RFC3: variants seen among roughly 807,000 people sequenced by gnomAD.
RFC3 encodes the protein A1 38 kDa subunit.
Under a neutral mutation model 45.1 loss-of-function variants are expected in RFC3, and 41 were observed. The ratio of observed to expected loss-of-function variants is 0.91; its 90% CI spans 0.71 to 1.18. RFC3 has a LOEUF of 1.18. RFC3 is among the 50% of genes most tolerant of loss of function. RFC3 has a pLI of 0.00. For missense variants in RFC3, 423 were observed against 428.1 expected, an observed-to-expected ratio of 0.99 and a Z score of 0.10; for synonymous variants, 149 against 144.0, an observed-to-expected ratio of 1.03 and a Z score of -0.25.
chr13:33,974,803 T>C, the RFC3 span, among the ~76,000 whole-genome samples: 1 of 152,188 alleles, frequency 6.6e-6, no homozygotes, highest in African/African-American at 2.4e-5. Flanking sequence ...CACTTGCATA[T>C]TTCAAATTAA....
intron 8 of RFC3, chr13:33,849,352 G>GTT (rs2082261504): frequency 6.6e-6 from 1 of 152,168 alleles, no homozygotes; most frequent in Non-Finnish European, 1.5e-5. Context: ...TCTGGTAAAT[G>GTT]TTTAGCAGCT....
At chr13:33,827,674 A>G (rs762264587) in intron 4 of RFC3, among the ~76,000 whole-genome samples, 1 of 152,228 alleles carries the variant, frequency 6.6e-6, no homozygotes, top group African/African-American at 2.4e-5. Context: ...CTGTTACTTA[A>G]AAAGAACAAT....
chr13:33,915,531 C>T (rs1388133637), intron 8 of RFC3, among the ~76,000 whole-genome samples: 6 of 152,008 alleles, frequency 3.9e-5, no homozygotes, highest in East Asian at 1.9e-4. Context: ...AAAATGCTGC[C>T]GTCCTTGGGG....
At chr13:33,964,627 C>T (rs1041946862) in intron 8 of RFC3, among the ~76,000 whole-genome samples, 2 of 152,152 alleles carry the variant, frequency 1.3e-5, no homozygotes, top group African/African-American at 2.4e-5. Flanking sequence ...CCAGCATAGA[C>T]AATCTTTTAC....
chr13:33,873,686 C>A (rs1182076812), intron 8 of RFC3, among the ~76,000 whole-genome samples: 1 of 152,116 alleles, frequency 6.6e-6, no homozygotes, highest in Non-Finnish European at 1.5e-5. Flanking sequence ...TGAACAAGAC[C>A]CTTCACCCTC....
At chr13:33,890,696 C>G (rs1332691147) in intron 8 of RFC3, among the ~76,000 whole-genome samples, 1 of 152,114 alleles carries the variant, frequency 6.6e-6, no homozygotes, top group Non-Finnish European at 1.5e-5. Context: ...ACTACAAACT[C>G]TTAAGATAGG....
At position 33,835,211 on chromosome 13, in the gene RFC3, A is replaced by G; in HGVS notation, c.873A>G (p.Ile291Met). 6.2e-7 allele frequency: 1 copy of G among 1,606,860 alleles called. No individual in the cohort carries two copies. Among genetic ancestry groups the G allele is most frequent in the Non-Finnish European group, 8.5e-7 (1 of 1,173,682 alleles). The part of the protein sequence containing the change: ...LLTHCIPPEI[I>M]MKGLLSELLH... Reference sequence around the variant, plus strand: ...CTCATTGTATTCCTCCTGAGATAATAATGAAGGTAACCCAATTTCAGATCT... The same window carrying G: ...CTCATTGTATTCCTCCTGAGATAATGATGAAGGTAACCCAATTTCAGATCT... Residue 291 changes from isoleucine (I) to methionine (M), a missense_variant, in exon 8 of 9, where the codon ATA (isoleucine) becomes ATG (methionine). Coordinates refer to ENST00000380071, the MANE Select transcript of RFC3 (RefSeq NM_002915.4).
intron 8 of RFC3, among the ~76,000 whole-genome samples, chr13:33,897,499 G>GA: frequency 6.6e-6 from 1 of 151,508 alleles, no homozygotes; most frequent in Admixed American, 6.6e-5. Context: ...AAAAGAGTAA[G>GA]AAAAAAAGAA....
intron 8 of RFC3, among the ~76,000 whole-genome samples, chr13:33,864,689 T>C (rs556795901): frequency 1.3e-5 from 2 of 152,178 alleles, no homozygotes; most frequent in South Asian, 4.2e-4. Flanking sequence ...CTATAGAATT[T>C]TTTTCTTTAG....
intron 5 of RFC3, 42 bp downstream of exon 5, chr13:33,830,059 A>G (rs1259359494): frequency 6.5e-7 from 1 of 1,528,578 alleles, no homozygotes; most frequent in Non-Finnish European, 9.0e-7. Context: ...ATCAGTTCAG[A>G]TTCTCTGAAT....
chr13:33,913,275 G>A (rs1283954224), intron 8 of RFC3, among the ~76,000 whole-genome samples: 1 of 152,188 alleles, frequency 6.6e-6, no homozygotes, highest in Admixed American at 6.5e-5. Context: ...GGCTCTAATT[G>A]AGCTCAGAGT....
At chr13:33,912,952 C>T (rs2082711669) in intron 8 of RFC3, among the ~76,000 whole-genome samples, 1 of 152,028 alleles carries the variant, frequency 6.6e-6, no homozygotes, top group African/African-American at 2.4e-5. Context: ...AAATTGCACT[C>T]ACCAGATGCT....
chr13:33,940,695 G>A (rs754446324), intron 8 of RFC3, among the ~76,000 whole-genome samples: 75 of 151,992 alleles, frequency 4.9e-4, no homozygotes, highest in Non-Finnish European at 6.2e-4. Context: ...CTGACTTACC[G>A]TAGTCTAATA....
chr13:33,852,847 G>A (rs915905618), intron 8 of RFC3, among the ~76,000 whole-genome samples: 55 of 152,158 alleles, frequency 3.6e-4, no homozygotes, highest in Non-Finnish European at 5.0e-4. Flanking sequence ...TATGCAACTC[G>A]TGAGAAAATA....
chr13:33,824,510 A>C (rs555472457), intron 3 of RFC3, among the ~76,000 whole-genome samples: 16 of 152,264 alleles, frequency 1.1e-4, no homozygotes, highest in African/African-American at 3.8e-4. Flanking sequence ...ATAGCTATTA[A>C]GCATTAAGTG....
intron 2 of RFC3, among the ~76,000 whole-genome samples, chr13:33,823,420 A>G (rs1267484199): frequency 1.3e-5 from 2 of 152,140 alleles, no homozygotes; most frequent in African/African-American, 2.4e-5. Context: ...CATCCATGCC[A>G]TAGGTTGGTG....
chr13:33,893,259 A>G (rs1235308961), intron 8 of RFC3, among the ~76,000 whole-genome samples: 1 of 151,804 alleles, frequency 6.6e-6, no homozygotes, highest in East Asian at 1.9e-4. Flanking sequence ...CCCCTTTGGA[A>G]CCCCCTCTTG....
At chr13:33,855,737 A>G (rs74986891) in intron 8 of RFC3, among the ~76,000 whole-genome samples, 2,713 of 152,076 alleles carry the variant, frequency 0.018, 84 homozygotes, top group African/African-American at 0.063. Flanking sequence ...GTGATGCTGA[A>G]CTTTTTTTCA....
chr13:33,923,020 T>C (rs1391533905), intron 8 of RFC3, among the ~76,000 whole-genome samples: 1 of 151,930 alleles, frequency 6.6e-6, no homozygotes, highest in Non-Finnish European at 1.5e-5. Context: ...AAAGGGACCA[T>C]TTATTAAAGT....
Sources: gnomAD v4.1 joint callset for allele counts (sites outside exome capture counted in the v4.1 genomes callset) on GRCh38, gnomAD v4.1.1 for gene constraint, MANE v1.5 for transcripts, NCBI Gene and HGNC (gene_info 2026-07-23, HGNC 2026-07-21) for gene names.